CRISP1: variants seen among roughly 807,000 people sequenced by gnomAD.
CRISP1 encodes the protein cysteine-rich secretory protein 1.
A neutral mutation model predicts 33.1 loss-of-function variants in CRISP1; 44 were observed. The observed-to-expected ratio is 1.33, with a 90% confidence interval of 1.05 to 1.71. The LOEUF (loss-of-function observed/expected upper bound fraction) is 1.71, where lower values mean the gene tolerates loss of function less well. Among genes scored for constraint, CRISP1 ranks in the 40% most tolerant of loss-of-function variants. CRISP1 has a pLI of 0.00. For synonymous variants in CRISP1, 103 were observed against 98.7 expected, an observed-to-expected ratio of 1.04 and a Z score of -0.26; for missense variants, 390 against 301.2, an observed-to-expected ratio of 1.29 and a Z score of -2.18.
At chr6:49,867,576 T>G (rs1771828222), upstream of CRISP1, among the ~76,000 whole-genome samples, 1 of 152,012 alleles carries the variant, frequency 6.6e-6, no homozygotes, top group South Asian at 2.1e-4. Context: ...GAAATAAAAA[T>G]TAAAAGAAAG....
chr6:49,847,192 G>A (rs1423959260), intron 4 of CRISP1, among the ~76,000 whole-genome samples: 1 of 152,106 alleles, frequency 6.6e-6, no homozygotes, highest in Non-Finnish European at 1.5e-5. Flanking sequence ...ATAATCTGTA[G>A]ATATAAATGT....
intron 2 of CRISP1, among the ~76,000 whole-genome samples, chr6:49,854,023 T>C (rs374620076): frequency 1.5e-4 from 23 of 152,332 alleles, no homozygotes; most frequent in African/African-American, 5.3e-4. Flanking sequence ...CACATTATTG[T>C]AGAACTTTTG....
In CRISP1 at chr6:49,837,525, T is replaced by C. The variant is rs146878417; in HGVS notation, c.622+912A>G. 4.2e-3 allele frequency among the ~76,000 whole-genome samples: 634 copies of C among 151,292 alleles called. 10 individuals carry two copies. The highest frequency in any genetic ancestry group is 0.014 in the African/African-American group (594 of 41,186). On this transcript the variant is annotated intron_variant, in intron 7 of 7. Coordinates refer to ENST00000335847, the MANE Select transcript of CRISP1 (RefSeq NM_001131.3). ...AACGGGGTATAAAAAGTGAAGTGGA[T>C]ACAGAGAAAGAGAGAGGGAGACAGA...
intron 1 of CRISP1, among the ~76,000 whole-genome samples, chr6:49,863,112 C>A (rs541471566): frequency 6.6e-6 from 1 of 152,178 alleles, no homozygotes; most frequent in South Asian, 2.1e-4. Flanking sequence ...TGGCAAATAG[C>A]AAATCCTGCT....
intron 7 of CRISP1, 73 bp from the exon 8 acceptor site, chr6:49,835,516 A>G (rs1409386777): frequency 1.4e-6 from 2 of 1,462,396 alleles, no homozygotes; most frequent in African/African-American, 1.4e-5. Flanking sequence ...AGACCATCTT[A>G]TTAAAGACAA....
At chr6:49,845,707 C>CAAAAA (rs111269611) in intron 5 of CRISP1, among the ~76,000 whole-genome samples, 4 of 145,388 alleles carry the variant, frequency 2.8e-5, no homozygotes, top group Admixed American at 6.8e-5. Context: ...TCACAATAGC[C>CAAAAA]AAAAAAAAAA....
chr6:49,871,878 A>G (rs1771932124), intron 1 of CRISP1, among the ~76,000 whole-genome samples: 1 of 152,028 alleles, frequency 6.6e-6, no homozygotes, highest in Non-Finnish European at 1.5e-5. Context: ...ACGTGTCTTT[A>G]TAGCAGCATG....
chr6:49,838,299 G>A, intron 7 of CRISP1, 138 bp downstream of exon 7: 1 of 658,236 alleles, frequency 1.5e-6, no homozygotes, highest in Non-Finnish European at 2.6e-6. Context: ...ATTGGGGAGG[G>A]GTAAGCAGAA....
intron 4 of CRISP1, among the ~76,000 whole-genome samples, chr6:49,847,702 T>C (rs1434380339): frequency 3.3e-5 from 5 of 152,046 alleles, no homozygotes; most frequent in Non-Finnish European, 7.4e-5. Flanking sequence ...ATGTTTTTTT[T>C]TATTATTTCC....
At position 49,834,771 on chromosome 6, in the gene CRISP1, G is replaced by T. The variant is rs992752914; in HGVS notation, c.*545C>A. ...TTTTATTGTTTCTTGCTTCACAAAT[G>T]TATATATAGATGTGTCAATAAAACA... On this transcript the variant is annotated 3_prime_UTR_variant, in exon 8 of 8. Transcript: ENST00000335847. The T allele has an allele frequency of 6.6e-6, 1 of 152,156 alleles. No individual in the cohort carries two copies. Among genetic ancestry groups the T allele is most frequent in the Non-Finnish European group, 1.5e-5 (1 of 68,080 alleles). 9.4% of individuals were successfully genotyped at this position (152,156 alleles called of 1,614,324 possible).
upstream of CRISP1, among the ~76,000 whole-genome samples, chr6:49,867,627 G>A (rs1413593937): frequency 6.6e-6 from 1 of 151,958 alleles, no homozygotes; most frequent in African/African-American, 2.4e-5. Context: ...TCTTGTTAAA[G>A]TATATAATGA....
At chr6:49,859,274 C>T (rs1771580579) in intron 1 of CRISP1, among the ~76,000 whole-genome samples, 1 of 151,956 alleles carries the variant, frequency 6.6e-6, no homozygotes, top group South Asian at 2.1e-4. Flanking sequence ...CAGGCTGCAT[C>T]CTGCACAGGG....
intron 4 of CRISP1, 145 bp from the exon 5 acceptor site, chr6:49,846,813 A>G (rs2127472374): frequency 1.3e-6 from 1 of 770,596 alleles, no homozygotes; most frequent in Non-Finnish European, 2.0e-6. Context: ...TTGTATCCCC[A>G]CTGAAAATCT....
At chr6:49,861,229 C>G (rs1047385956) in intron 1 of CRISP1, among the ~76,000 whole-genome samples, 2 of 152,024 alleles carry the variant, frequency 1.3e-5, no homozygotes, top group African/African-American at 2.4e-5. Context: ...GTAAAGTTGC[C>G]CTAATTCATT....
intron 2 of CRISP1, among the ~76,000 whole-genome samples, chr6:49,852,755 C>A (rs549763489): frequency 1.7e-3 from 261 of 151,864 alleles, no homozygotes; most frequent in Non-Finnish European, 2.8e-3. Flanking sequence ...CCGTTCTTTT[C>A]ATTTATTTAT....
chr6:49,858,416 T>C (rs144499879), intron 1 of CRISP1, among the ~76,000 whole-genome samples: 2 of 152,306 alleles, frequency 1.3e-5, no homozygotes, highest in Non-Finnish European at 2.9e-5. Context: ...GAAAGCACTT[T>C]TAAAGAGCAA....
chr6:49,870,441 G>A (rs1007074412), upstream of CRISP1, among the ~76,000 whole-genome samples: 3 of 152,130 alleles, frequency 2.0e-5, no homozygotes, highest in African/African-American at 7.2e-5. Flanking sequence ...TTGTAGGTTG[G>A]AAAGTGAGGG....
At chr6:49,844,227 T>C (rs1771085294) in intron 5 of CRISP1, among the ~76,000 whole-genome samples, 1 of 152,170 alleles carries the variant, frequency 6.6e-6, no homozygotes, top group African/African-American at 2.4e-5. Flanking sequence ...GATTTAATCA[T>C]ACATCTCAGC....
At chr6:49,856,616 C>A (rs1423955034) in intron 2 of CRISP1, among the ~76,000 whole-genome samples, 2 of 152,112 alleles carry the variant, frequency 1.3e-5, no homozygotes, top group Non-Finnish European at 2.9e-5. Context: ...TTATTTCTTA[C>A]TTCTCTACCT....
Sources: allele counts gnomAD v4.1 joint callset (sites outside exome capture counted in the v4.1 genomes callset), GRCh38; gene constraint gnomAD v4.1.1; transcripts MANE v1.5; gene names NCBI Gene and HGNC (gene_info 2026-07-23, HGNC 2026-07-21).